The following SH3GL2 variants were observed in gnomAD, a reference collection of about 807,000 sequenced individuals.
SH3GL2 encodes SH3 domain containing GRB2 like 2, endophilin A1, also known as endophilin-A1.
A neutral mutation model predicts 46.0 loss-of-function variants in SH3GL2; 24 were observed. That is an observed-to-expected ratio of 0.52 (90% CI 0.38 to 0.73). The LOEUF (loss-of-function observed/expected upper bound fraction) is 0.73. Ranked by LOEUF, SH3GL2 falls within the 30% of genes least tolerant of loss-of-function variation. The probability of loss-of-function intolerance (pLI) is 0.00; values close to 1 mark genes in which losing one functional copy is unlikely to be tolerated. For synonymous variants in SH3GL2, 196 were observed against 147.1 expected, an observed-to-expected ratio of 1.33 and a Z score of -2.40; for missense variants, 413 against 424.2, an observed-to-expected ratio of 0.97 and a Z score of 0.23.
chr9:17,751,812 T>G (rs1470214877), intron 2 of SH3GL2, among the ~76,000 whole-genome samples: 1 of 151,984 alleles, frequency 6.6e-6, no homozygotes, highest in Non-Finnish European at 1.5e-5. Flanking sequence ...CTTCATGGTG[T>G]GATGGGAAAG....
At chr9:17,624,060 G>T (rs999362900) in intron 1 of SH3GL2, among the ~76,000 whole-genome samples, 2 of 152,090 alleles carry the variant, frequency 1.3e-5, no homozygotes, top group Non-Finnish European at 2.9e-5. Flanking sequence ...GCACAGCCTT[G>T]GTTTATCTCG....
intron 1 of SH3GL2, among the ~76,000 whole-genome samples, chr9:17,631,573 G>A (rs189645609): frequency 2.2e-4 from 34 of 152,244 alleles, no homozygotes; most frequent in African/African-American, 7.7e-4. Flanking sequence ...CCATCATACT[G>A]GATGTTCACA....
chr9:17,581,140 A>G lies in SH3GL2; in HGVS notation c.45+1853A>G, dbSNP rs941055922. Among the ~76,000 whole-genome samples, 13 of 152,352 alleles carry G rather than the reference A, an allele frequency of 8.5e-5. 1 individual carries two copies. Among genetic ancestry groups the G allele is most frequent in the Non-Finnish European group, 1.5e-4 (10 of 68,022 alleles). On this transcript the variant is annotated intron_variant, in intron 1 of 8. Transcript: ENST00000380607. The stretch of plus-strand genomic sequence containing the variant: ...GATATTTTTATTAGTATAAAATACT[A>G]TCCCTTATGCTGTGAAGAAGTTACC...
chr9:17,780,294 G>A (rs1452696621), intron 3 of SH3GL2, among the ~76,000 whole-genome samples: 1 of 151,940 alleles, frequency 6.6e-6, no homozygotes, highest in Non-Finnish European at 1.5e-5. Context: ...TATGATCATA[G>A]AACATGTATT....
At chr9:17,611,537 T>C (rs1263306749) in intron 1 of SH3GL2, among the ~76,000 whole-genome samples, 11 of 152,206 alleles carry the variant, frequency 7.2e-5, no homozygotes, top group Non-Finnish European at 1.5e-4. Flanking sequence ...TTGAGATGTG[T>C]GTGACCTGTA....
At chr9:17,753,988 T>C (rs1822919668) in intron 2 of SH3GL2, among the ~76,000 whole-genome samples, 1 of 152,188 alleles carries the variant, frequency 6.6e-6, no homozygotes, top group South Asian at 2.1e-4. Context: ...CAGATAACTG[T>C]AGGTGTGCAG....
intron 1 of SH3GL2, among the ~76,000 whole-genome samples, chr9:17,614,585 A>G (rs1040791081): frequency 6.6e-6 from 1 of 152,166 alleles, no homozygotes; most frequent in African/African-American, 2.4e-5. Flanking sequence ...GAGAACTTCC[A>G]TGTGTCAGAG....
rs1008356666 is a variant in SH3GL2 at position 17,761,430 on chromosome 9, A to T, written c.115-7A>T. 1 of 1,587,902 alleles carries T rather than the reference A, an allele frequency of 6.3e-7. No individual in the cohort carries two copies. On this transcript the variant is annotated splice_region_variant and splice_polypyrimidine_tract_variant and intron_variant, in intron 2 of 8. Coordinates refer to ENST00000380607, the MANE Select transcript of SH3GL2 (RefSeq NM_003026.5). Reference sequence around the variant, plus strand: ...TGTCATTTAGAGCACTTATTTTCTCATTTCAGAAAGTGGATGTCACCAGCA... The same window carrying T: ...TGTCATTTAGAGCACTTATTTTCTCTTTTCAGAAAGTGGATGTCACCAGCA...
chr9:17,624,516 C>G (rs1429845598), intron 1 of SH3GL2, among the ~76,000 whole-genome samples: 4 of 71,808 alleles, frequency 5.6e-5, no homozygotes, highest in Non-Finnish European at 1.5e-4. Context: ...GCAAGAGTCT[C>G]ATATAATTTT....
intron 1 of SH3GL2, among the ~76,000 whole-genome samples, chr9:17,654,596 T>A (rs1820028287): frequency 6.6e-6 from 1 of 152,212 alleles, no homozygotes; most frequent in Admixed American, 6.5e-5. Context: ...TGAAAGTTAA[T>A]CTTTATCATC....
At chr9:17,739,077 C>T (rs1236034405) in intron 1 of SH3GL2, among the ~76,000 whole-genome samples, 2 of 152,114 alleles carry the variant, frequency 1.3e-5, no homozygotes, top group East Asian at 1.9e-4. Flanking sequence ...CCCAGGTCCA[C>T]CCTGTTGTGG....
chr9:17,766,651 A>G (rs1210231944), intron 3 of SH3GL2, among the ~76,000 whole-genome samples: 2 of 152,206 alleles, frequency 1.3e-5, no homozygotes, highest in East Asian at 1.9e-4. Context: ...ATTAACCACT[A>G]TTAAAAATTA....
At chr9:17,642,368 A>G (rs1282001262) in intron 1 of SH3GL2, among the ~76,000 whole-genome samples, 2 of 151,958 alleles carry the variant, frequency 1.3e-5, no homozygotes, top group Non-Finnish European at 2.9e-5. Context: ...ATTAGATCCC[A>G]TTTGTCAATT....
chr9:17,640,896 A>G (rs1014762908), intron 1 of SH3GL2, among the ~76,000 whole-genome samples: 1 of 152,194 alleles, frequency 6.6e-6, no homozygotes, highest in Non-Finnish European at 1.5e-5. Context: ...TTAATAGCAT[A>G]GTAGTTTGAC....
rs572724617 is a variant in SH3GL2 at position 17,647,628 on chromosome 9, T to C, written c.45+68341T>C. On this transcript the variant is annotated intron_variant, in intron 1 of 8. Coordinates refer to ENST00000380607, the MANE Select transcript of SH3GL2 (RefSeq NM_003026.5). ...TAAATAAAGTAATACTGTAAAACACTTGGTACCACAGAATACTACTATTAC... is the reference window on the plus strand; with the variant it reads ...TAAATAAAGTAATACTGTAAAACACCTGGTACCACAGAATACTACTATTAC... Among the ~76,000 whole-genome samples the C allele has an allele frequency of 2.6e-5, 4 of 152,294 alleles. No homozygotes were observed. In the South Asian group the frequency reaches 8.3e-4, roughly 32 times the overall value.
intron 1 of SH3GL2, among the ~76,000 whole-genome samples, chr9:17,718,241 A>G (rs1423605432): frequency 3.3e-5 from 5 of 152,172 alleles, no homozygotes; most frequent in Admixed American, 6.6e-5. Flanking sequence ...GCACTAGTTC[A>G]TGCCATCCTC....
At chr9:17,623,212 G>A (rs182504019) in intron 1 of SH3GL2, among the ~76,000 whole-genome samples, 12 of 152,002 alleles carry the variant, frequency 7.9e-5, no homozygotes, top group Admixed American at 3.3e-4. Flanking sequence ...AAGGGTGAGG[G>A]ATGAGAAGTT....
At chr9:17,702,663 A>G (rs1416444555) in intron 1 of SH3GL2, among the ~76,000 whole-genome samples, 1 of 152,124 alleles carries the variant, frequency 6.6e-6, no homozygotes, top group Non-Finnish European at 1.5e-5. Flanking sequence ...CCCTCAACAC[A>G]TTAAAATGCC....
intron 1 of SH3GL2, among the ~76,000 whole-genome samples, chr9:17,735,073 C>T (rs1822291121): frequency 6.6e-6 from 1 of 152,076 alleles, no homozygotes; most frequent in Non-Finnish European, 1.5e-5. Flanking sequence ...TATTCTGCTT[C>T]ACTTTTGCCA....
Sources: gnomAD v4.1 joint callset for allele counts (sites outside exome capture counted in the v4.1 genomes callset) on GRCh38, gnomAD v4.1.1 for gene constraint, MANE v1.5 for transcripts, NCBI Gene and HGNC (gene_info 2026-07-23, HGNC 2026-07-21) for gene names.